The following PIK3C3 variants were observed in gnomAD, a reference collection of about 807,000 sequenced individuals.
PIK3C3 encodes phosphatidylinositol 3-kinase catalytic subunit type 3.
Under a neutral mutation model 126.1 loss-of-function variants are expected in PIK3C3, and 95 were observed. The ratio of observed to expected loss-of-function variants is 0.75; its 90% CI spans 0.64 to 0.89. The LOEUF (loss-of-function observed/expected upper bound fraction) is 0.89. PIK3C3 is among the 40% of genes least tolerant of loss of function. The pLI is 0.00. For missense variants in PIK3C3, 829 were observed against 1,063.2 expected, an observed-to-expected ratio of 0.78 and a Z score of 3.06; for synonymous variants, 374 against 360.0, an observed-to-expected ratio of 1.04 and a Z score of -0.44.
At chr18:42,067,637 A>T in intron 24 of PIK3C3, 124 bp downstream of exon 24, 1 of 983,298 alleles carries the variant, frequency 1.0e-6, no homozygotes, top group Non-Finnish European at 1.5e-6. Flanking sequence ...AGTCGTTTTG[A>T]CATCTCACCA....
At chr18:42,031,032 T>C (rs1983799833) in intron 15 of PIK3C3, among the ~76,000 whole-genome samples, 1 of 152,190 alleles carries the variant, frequency 6.6e-6, no homozygotes, top group South Asian at 2.1e-4. Context: ...TGGCTAAAAA[T>C]CTTTATAGGC....
intron 24 of PIK3C3, among the ~76,000 whole-genome samples, chr18:42,079,471 T>C (rs1335384404): frequency 6.6e-6 from 1 of 152,116 alleles, no homozygotes; most frequent in Non-Finnish European, 1.5e-5. Context: ...TGAAATATTA[T>C]GAGAATTACC....
At chr18:42,022,235 A>T (rs1024852860) in intron 13 of PIK3C3, among the ~76,000 whole-genome samples, 2 of 152,134 alleles carry the variant, frequency 1.3e-5, no homozygotes. Context: ...GGTGTGCTGC[A>T]CCCGGTAACT....
intron 4 of PIK3C3, among the ~76,000 whole-genome samples, chr18:41,977,875 G>T (rs1289452917): frequency 6.6e-6 from 1 of 152,214 alleles, no homozygotes; most frequent in East Asian, 1.9e-4. Context: ...GCTTTTGTCA[G>T]ATTATTGACT....
Position 42,039,903 on chromosome 18 carries a change from C to A in PIK3C3, c.2039-774C>A, listed in dbSNP as rs144730095. 4.9e-3 allele frequency among the ~76,000 whole-genome samples: 753 copies of A among 152,268 alleles called. 4 individuals carry two copies. The highest frequency in any genetic ancestry group is 0.014 in the Middle Eastern group (4 of 294). On this transcript the variant is annotated intron_variant, in intron 18 of 24. Coordinates refer to ENST00000262039, the MANE Select transcript of PIK3C3 (RefSeq NM_002647.4). ...TACCTGTTAAGTGAATTAGTGCCAA[C>A]TATTCTGTATTTATGATGCAAGAAT...
At chr18:42,008,112 T>A (rs1179623189) in intron 10 of PIK3C3, among the ~76,000 whole-genome samples, 1 of 152,216 alleles carries the variant, frequency 6.6e-6, no homozygotes, top group Non-Finnish European at 1.5e-5. Flanking sequence ...TAATGTTTTA[T>A]CAGCCATACA....
intron 10 of PIK3C3, among the ~76,000 whole-genome samples, chr18:42,009,760 T>C (rs756203740): frequency 4.0e-5 from 6 of 151,472 alleles, no homozygotes; most frequent in Non-Finnish European, 7.4e-5. Context: ...GTACATTATG[T>C]AATGCTTACA....
At position 42,037,786 on chromosome 18, in the gene PIK3C3, A is replaced by C; in HGVS notation, c.1934A>C (p.Gln645Pro). The part of the protein sequence containing the change: ...FKHGDDLRQD[Q>P]LILQIISLMD... ...CATGGAGATGATTTACGTCAAGATCAACTTATTCTTCAAATCATTTCACTC... is the reference window on the plus strand; with the variant it reads ...CATGGAGATGATTTACGTCAAGATCCACTTATTCTTCAAATCATTTCACTC... The change falls in exon 17 of 25, where the codon CAA (glutamine) becomes CCA (proline). Residue 645 changes from glutamine (Q) to proline (P), a missense_variant. Coordinates refer to ENST00000262039, the MANE Select transcript of PIK3C3 (RefSeq NM_002647.4). 1 of 1,612,324 alleles carries C rather than the reference A, an allele frequency of 6.2e-7. No homozygotes were observed. Among genetic ancestry groups the C allele is most frequent in the Non-Finnish European group, 8.5e-7 (1 of 1,178,744 alleles).
chr18:41,990,906 G>A (rs1981743248), intron 6 of PIK3C3, among the ~76,000 whole-genome samples: 1 of 152,118 alleles, frequency 6.6e-6, no homozygotes, highest in African/African-American at 2.4e-5. Context: ...TTTCTAAGTG[G>A]TAGGCTATTT....
In PIK3C3 at chr18:41,970,461, A is replaced by C. The variant is rs759091304; in HGVS notation, c.531+5A>C. 1.2e-6 allele frequency: 2 copies of C among 1,613,566 alleles called. No individual in the cohort carries two copies. Among genetic ancestry groups the C allele is most frequent in the Non-Finnish European group, 1.7e-6 (2 of 1,179,810 alleles). On this transcript the variant is annotated splice_donor_5th_base_variant and intron_variant, in intron 4 of 24. Transcript: ENST00000262039. ...CAGATGAGCCGTCTTGCCAAGGTAA[A>C]AAAAGTCATTTGGAACAGGTGCAAA...
chr18:42,043,821 A>C lies in PIK3C3; in HGVS notation c.2188+4A>C, dbSNP rs752339252. 1 of 1,603,546 alleles carries C rather than the reference A, an allele frequency of 6.2e-7. No homozygotes were observed. The highest frequency in any genetic ancestry group is 8.5e-7 in the Non-Finnish European group (1 of 1,170,662). On this transcript the variant is annotated splice_donor_region_variant and intron_variant, in intron 20 of 24. Coordinates refer to ENST00000262039, the MANE Select transcript of PIK3C3 (RefSeq NM_002647.4). ...GACACTTACGTTAAAAGCTGTGGTA[A>C]GTTTTTCAGGCTATTACTTTCCATT...
At chr18:42,019,895 C>A (rs1983245091) in intron 12 of PIK3C3, among the ~76,000 whole-genome samples, 1 of 152,132 alleles carries the variant, frequency 6.6e-6, no homozygotes, top group African/African-American at 2.4e-5. Context: ...TTGGGAGTTA[C>A]TATTAATGCC....
intron 24 of PIK3C3, among the ~76,000 whole-genome samples, chr18:42,070,206 A>G (rs967534299): frequency 1.3e-5 from 2 of 152,214 alleles, no homozygotes; most frequent in Non-Finnish European, 2.9e-5. Flanking sequence ...TCCTCTTAAA[A>G]TAAGTCCCAA....
intron 14 of PIK3C3, 52 bp from the exon 15 acceptor site, chr18:42,029,273 C>G (rs1983711383): frequency 1.9e-6 from 2 of 1,063,768 alleles, no homozygotes; most frequent in African/African-American, 3.1e-5. Context: ...TTAAAGAAAT[C>G]CAGATCATTA....
chr18:42,032,215 G>A (rs985515722), intron 15 of PIK3C3, among the ~76,000 whole-genome samples: 8 of 152,216 alleles, frequency 5.3e-5, no homozygotes, highest in Admixed American at 4.6e-4. Flanking sequence ...GTGGGAGCAT[G>A]TGTGGCAGTT....
At chr18:42,008,300 T>G (rs1435293343) in intron 10 of PIK3C3, among the ~76,000 whole-genome samples, 3 of 152,168 alleles carry the variant, frequency 2.0e-5, no homozygotes, top group African/African-American at 7.2e-5. Flanking sequence ...AAGTGGCATT[T>G]GAGTTGAAGG....
chr18:41,960,706 G>T (rs1980035591), intron 2 of PIK3C3, among the ~76,000 whole-genome samples: 1 of 151,932 alleles, frequency 6.6e-6, no homozygotes, highest in Non-Finnish European at 1.5e-5. Flanking sequence ...AATATCTAGA[G>T]CAGTTTTCAA....
At chr18:41,988,939 C>T (rs1410183432) in intron 5 of PIK3C3, among the ~76,000 whole-genome samples, 2 of 151,864 alleles carry the variant, frequency 1.3e-5, no homozygotes, top group Admixed American at 1.3e-4. Flanking sequence ...TAGAGTTTGC[C>T]CAGCCTTTTT....
At chr18:41,998,017 T>C (rs1982110941) in intron 9 of PIK3C3, among the ~76,000 whole-genome samples, 1 of 152,196 alleles carries the variant, frequency 6.6e-6, no homozygotes, top group African/African-American at 2.4e-5. Context: ...TCTTGTGATA[T>C]GGTCTTTACT....
Sources: allele counts gnomAD v4.1 joint callset (sites outside exome capture counted in the v4.1 genomes callset), GRCh38; gene constraint gnomAD v4.1.1; transcripts MANE v1.5; gene names NCBI Gene and HGNC (gene_info 2026-07-23, HGNC 2026-07-21).